The following ATRNL1 variants were observed in gnomAD, a reference collection of about 807,000 sequenced individuals.
ATRNL1 encodes attractin like 1.
In ATRNL1, 95 loss-of-function variants were observed where a neutral mutation model predicts 182.7. The observed-to-expected ratio is 0.52, with a 90% CI of 0.44 to 0.62. ATRNL1 has a LOEUF of 0.62. Among genes scored for constraint, ATRNL1 ranks in the 20% least tolerant of loss-of-function variants. The probability of loss-of-function intolerance (pLI) is 0.00; values close to 1 mark genes in which losing one functional copy is unlikely to be tolerated. For missense variants in ATRNL1, 1,471 were observed against 1,679.5 expected, an observed-to-expected ratio of 0.88 and a Z score of 2.17; for synonymous variants, 576 against 568.3, an observed-to-expected ratio of 1.01 and a Z score of -0.19.
chr10:115,627,188 TC>T (rs1210070221), intron 26 of ATRNL1, among the ~76,000 whole-genome samples: 1 of 152,078 alleles, frequency 6.6e-6, no homozygotes, highest in Admixed American at 6.5e-5. Flanking sequence ...AAGCAGTTGC[TC>T]CCCATTCTCC....
chr10:115,107,506 G>T (rs1201426829), intron 1 of ATRNL1, among the ~76,000 whole-genome samples: 3 of 152,098 alleles, frequency 2.0e-5, no homozygotes, highest in Admixed American at 2.0e-4. Flanking sequence ...TTGCTGGGCT[G>T]AGCCTACATA....
At chr10:115,908,710 G>A (rs773956937) in intron 28 of ATRNL1, among the ~76,000 whole-genome samples, 1 of 152,168 alleles carries the variant, frequency 6.6e-6, no homozygotes, top group South Asian at 2.1e-4. Context: ...GGGCACCTAA[G>A]CTGCTGCCCA....
chr10:115,624,694 C>T (rs1857981035), intron 26 of ATRNL1, among the ~76,000 whole-genome samples: 2 of 152,072 alleles, frequency 1.3e-5, no homozygotes, highest in African/African-American at 4.8e-5. Flanking sequence ...GAGGACCCCT[C>T]CCCCACTGTT....
At chr10:115,105,913 G>A (rs1457012957) in intron 1 of ATRNL1, among the ~76,000 whole-genome samples, 6 of 152,190 alleles carry the variant, frequency 3.9e-5, no homozygotes, top group African/African-American at 1.4e-4. Flanking sequence ...GGGAAAAGTG[G>A]GGTTGGAGCC....
At chr10:115,559,454 A>ACGCACACGCG (rs1554998584) in intron 26 of ATRNL1, among the ~76,000 whole-genome samples, 2 of 135,306 alleles carry the variant, frequency 1.5e-5, no homozygotes, top group Non-Finnish European at 3.1e-5. Flanking sequence ...GCGCGCGCGC[A>ACGCACACGCG]CGCACGCACA....
chr10:115,579,771 T>A (rs1555006588), intron 26 of ATRNL1, among the ~76,000 whole-genome samples: 2 of 151,910 alleles, frequency 1.3e-5, no homozygotes, highest in African/African-American at 4.8e-5. Flanking sequence ...TGTTAACTGT[T>A]TTCTTTTTGT....
chr10:115,930,511 A>C (rs1555121356), intron 28 of ATRNL1, among the ~76,000 whole-genome samples: 11 of 152,162 alleles, frequency 7.2e-5, no homozygotes. Context: ...CCTACAATTC[A>C]ACTATTGGTT....
At chr10:115,394,817 G>T in intron 20 of ATRNL1, 65 bp downstream of exon 20, 2 of 1,250,198 alleles carry the variant, frequency 1.6e-6, no homozygotes, top group Non-Finnish European at 1.1e-6. Flanking sequence ...TAATTTTTAT[G>T]TTTTACTTTT....
intron 27 of ATRNL1, among the ~76,000 whole-genome samples, chr10:115,769,551 G>A (rs1317538918): frequency 6.6e-6 from 1 of 152,082 alleles, no homozygotes; most frequent in Non-Finnish European, 1.5e-5. Flanking sequence ...CATGGTGCCT[G>A]GCACATAGCG....
chr10:115,141,284 C>T (rs1554877957), intron 5 of ATRNL1, among the ~76,000 whole-genome samples: 2 of 152,106 alleles, frequency 1.3e-5, no homozygotes, highest in African/African-American at 4.8e-5. Flanking sequence ...AAGGTTATTA[C>T]TCTAATAAAC....
At chr10:115,785,383 A>C (rs1741683328) in intron 27 of ATRNL1, among the ~76,000 whole-genome samples, 1 of 152,172 alleles carries the variant, frequency 6.6e-6, no homozygotes, top group Non-Finnish European at 1.5e-5. Context: ...TGGCCTCTTC[A>C]TCCGTGGCTC....
Position 115,629,978 on chromosome 10 carries a change from T to C in ATRNL1, c.3795+80442T>C, listed in dbSNP as rs782765618. Among the ~76,000 whole-genome samples, 119 of 152,174 alleles carry C rather than the reference T, an allele frequency of 7.8e-4. 4 individuals are homozygous for C. The highest frequency in any genetic ancestry group is 1.6e-4 in the Non-Finnish European group (11 of 67,994). On this transcript the variant is annotated intron_variant, in intron 26 of 28. Transcript: ENST00000355044. ...TTTTAAAATATTTTCTCTCAACTTA[T>C]AGGTTCCCTTTTCATTTTGTTTCCT...
At chr10:115,796,040 A>G (rs1208590314) in intron 27 of ATRNL1, among the ~76,000 whole-genome samples, 43 of 151,910 alleles carry the variant, frequency 2.8e-4, no homozygotes, top group Admixed American at 2.8e-3. Flanking sequence ...CCTGAACTCC[A>G]AATCCCTGTG....
intron 21 of ATRNL1, among the ~76,000 whole-genome samples, chr10:115,436,846 T>G (rs599353): frequency 0.37 from 56,722 of 151,848 alleles, 11,994 homozygotes; most frequent in African/African-American, 0.58. Context: ...GAACAAAATG[T>G]TTTTTCCTCT....
At chr10:115,124,693 T>C (rs1420626363) in intron 3 of ATRNL1, among the ~76,000 whole-genome samples, 1 of 152,126 alleles carries the variant, frequency 6.6e-6, no homozygotes, top group Non-Finnish European at 1.5e-5. Flanking sequence ...ATTATATCTT[T>C]AGCTTAAATT....
intron 28 of ATRNL1, among the ~76,000 whole-genome samples, chr10:115,906,625 G>A (rs1952510625): frequency 6.6e-6 from 1 of 152,042 alleles, no homozygotes; most frequent in African/African-American, 2.4e-5. Context: ...AATTTTAACT[G>A]TAAGTGGGTT....
intron 19 of ATRNL1, among the ~76,000 whole-genome samples, chr10:115,350,560 C>T (rs1318140679): frequency 6.6e-6 from 1 of 151,980 alleles, no homozygotes; most frequent in Admixed American, 6.6e-5. Flanking sequence ...GTTCTTGGCA[C>T]CTTCTTTGAA....
chr10:115,201,634 C>A (rs1206867878), intron 8 of ATRNL1, among the ~76,000 whole-genome samples: 2 of 152,022 alleles, frequency 1.3e-5, no homozygotes, highest in African/African-American at 4.8e-5. Context: ...GTTACTGTAG[C>A]CTTGTAGTAT....
chr10:115,933,950 T>C (rs1469354738), intron 28 of ATRNL1, among the ~76,000 whole-genome samples: 2 of 152,168 alleles, frequency 1.3e-5, no homozygotes, highest in Admixed American at 1.3e-4. Context: ...ACCGAAGATT[T>C]GCACACACAC....
Sources: gnomAD v4.1 joint callset for allele counts (sites outside exome capture counted in the v4.1 genomes callset) on GRCh38, gnomAD v4.1.1 for gene constraint, MANE v1.5 for transcripts, NCBI Gene and HGNC (gene_info 2026-07-23, HGNC 2026-07-21) for gene names.